CELF5: variants seen among roughly 807,000 people sequenced by gnomAD.
CELF5 encodes the protein CUGBP Elav-like family member 5.
In CELF5, 6 loss-of-function variants were observed where a neutral mutation model predicts 54.9. The observed-to-expected ratio is 0.11, with a 90% CI of 0.06 to 0.22. CELF5 has a LOEUF of 0.22. Ranked by LOEUF, CELF5 falls within the 10% of genes least tolerant of loss-of-function variation. The pLI is 1.00. For synonymous variants in CELF5, 271 were observed against 290.9 expected (o/e 0.93, Z 0.70); for missense variants, 401 against 678.6 (o/e 0.59, Z 4.54).
At chr19:3,263,347 G>T (rs1328766820) in intron 2 of CELF5, among the ~76,000 whole-genome samples, 1 of 151,546 alleles carries the variant, frequency 6.6e-6, no homozygotes, top group Non-Finnish European at 1.5e-5. Context: ...ATTACCTAAG[G>T]TCAGGAGATC....
Position 3,273,934 on chromosome 19 carries a change from C to T in CELF5, c.394+11C>T. On this transcript the variant is annotated intron_variant, in intron 3 of 12. Coordinates refer to ENST00000292672, the MANE Select transcript of CELF5 (RefSeq NM_021938.4). Reference sequence around the variant, plus strand: ...AAAGCCGCGGAGGTAGTTGTCATCTCTCCGTGGCTGCCAGGCTGGGGGTTG... The same window carrying T: ...AAAGCCGCGGAGGTAGTTGTCATCTTTCCGTGGCTGCCAGGCTGGGGGTTG... 1 of 1,612,336 alleles carries T rather than the reference C, an allele frequency of 6.2e-7. No homozygotes were observed. The highest frequency in any genetic ancestry group is 8.5e-7 in the Non-Finnish European group (1 of 1,178,488).
chr19:3,244,831 G>A (rs916020898), intron 1 of CELF5, among the ~76,000 whole-genome samples: 1 of 150,240 alleles, frequency 6.7e-6, no homozygotes. Flanking sequence ...CGTATGTGGT[G>A]TGTGTATGCA....
intron 1 of CELF5, among the ~76,000 whole-genome samples, chr19:3,240,364 C>T (rs1245815587): frequency 1.3e-5 from 2 of 150,884 alleles, no homozygotes; most frequent in African/African-American, 4.9e-5. Flanking sequence ...CTCACTCTGT[C>T]ATCCAGGCTG....
intron 2 of CELF5, among the ~76,000 whole-genome samples, chr19:3,258,963 G>A (rs111739459): frequency 6.6e-6 from 1 of 152,150 alleles, no homozygotes; most frequent in Admixed American, 6.6e-5. Context: ...GGTGACCACA[G>A]AACCAATGAC....
At chr19:3,225,035 T>A in intron 1 of CELF5, 37 bp downstream of exon 1, 3 of 1,014,914 alleles carry the variant, frequency 3.0e-6, no homozygotes, top group Non-Finnish European at 3.8e-6. Flanking sequence ...TCCCCCTCCC[T>A]CCGCCTCCCA....
chr19:3,262,390 C>T (rs998077552), intron 2 of CELF5, among the ~76,000 whole-genome samples: 3 of 152,282 alleles, frequency 2.0e-5, no homozygotes, highest in Admixed American at 6.5e-5. Context: ...TAAACCACCA[C>T]ATGTGGCTAA....
At chr19:3,276,387 C>A (rs1310718078) in intron 4 of CELF5, among the ~76,000 whole-genome samples, 1 of 148,842 alleles carries the variant, frequency 6.7e-6, no homozygotes, top group Non-Finnish European at 1.5e-5. Flanking sequence ...GAGCTGAAGT[C>A]TGTGGGTGAG....
intron 2 of CELF5, among the ~76,000 whole-genome samples, chr19:3,252,210 A>G (rs969717457): frequency 1.3e-5 from 2 of 151,206 alleles, no homozygotes; most frequent in African/African-American, 4.9e-5. Flanking sequence ...CTAATTTTTT[A>G]ATTTTTGTAG....
chr19:3,283,412 G>A (rs2080183870), intron 8 of CELF5, among the ~76,000 whole-genome samples: 1 of 152,100 alleles, frequency 6.6e-6, no homozygotes, highest in Non-Finnish European at 1.5e-5. Context: ...GTGCAGTGGT[G>A]TCGTCGCAGC....
intron 2 of CELF5, among the ~76,000 whole-genome samples, chr19:3,256,191 T>C (rs1273110923): frequency 6.6e-6 from 1 of 152,144 alleles, no homozygotes; most frequent in East Asian, 1.9e-4. Flanking sequence ...CCAGCCAGGG[T>C]TCCCACCCCT....
rs1002822284 is a variant in CELF5, at chr19:3,227,236, A to G, written c.259+2238A>G. ...GGTGTCTTCAGAATCAGCATCTGTG[A>G]TCCAGGTTTGCGTTTGGGGCTCAGC... is the stretch of plus-strand genomic sequence containing the variant. On this transcript the variant is annotated intron_variant, in intron 1 of 12. Coordinates refer to ENST00000292672, the MANE Select transcript of CELF5 (RefSeq NM_021938.4). Among the ~76,000 whole-genome samples the G allele has an allele frequency of 7.9e-5, 12 of 151,998 alleles. No homozygotes were observed. The East Asian group carries it at 1.2e-3, about 15-fold the overall frequency.
intron 1 of CELF5, among the ~76,000 whole-genome samples, chr19:3,247,075 G>C (rs1226361565): frequency 6.6e-6 from 1 of 152,166 alleles, no homozygotes; most frequent in African/African-American, 2.4e-5. Flanking sequence ...GATGGAGGGG[G>C]TTGTGCTGGG....
chr19:3,260,515 C>T (rs914106904), intron 2 of CELF5, among the ~76,000 whole-genome samples: 1 of 151,798 alleles, frequency 6.6e-6, no homozygotes, highest in African/African-American at 2.4e-5. Flanking sequence ...AGTGCAGTGG[C>T]AAGATCATGG....
chr19:3,266,325 G>GT (rs2079881328), intron 2 of CELF5, among the ~76,000 whole-genome samples: 1 of 151,476 alleles, frequency 6.6e-6, no homozygotes, highest in African/African-American at 2.4e-5. Flanking sequence ...GTTTGGTCCC[G>GT]TATCTCAGCC....
At chr19:3,274,964 C>T (rs1192054234) in intron 3 of CELF5, among the ~76,000 whole-genome samples, 1 of 151,994 alleles carries the variant, frequency 6.6e-6, no homozygotes, top group East Asian at 1.9e-4. Flanking sequence ...GTCTCTTCAT[C>T]CCTCTTATTC....
chr19:3,293,521 C>A, intron 12 of CELF5, 35 bp downstream of exon 12: 1 of 1,546,652 alleles, frequency 6.5e-7, no homozygotes, highest in Non-Finnish European at 8.8e-7. Context: ...CCGCCCAAGC[C>A]CCCCGTCTTG....
chr19:3,239,192 C>T (rs1380883126), intron 1 of CELF5, among the ~76,000 whole-genome samples: 2 of 152,072 alleles, frequency 1.3e-5, no homozygotes, highest in Non-Finnish European at 2.9e-5. Flanking sequence ...CTCGACCTCC[C>T]AGGCTCAAGG....
At chr19:3,251,116 A>C in intron 2 of CELF5, 49 bp downstream of exon 2, 6 of 1,383,974 alleles carry the variant, frequency 4.3e-6, no homozygotes, top group Middle Eastern at 1.8e-4. Flanking sequence ...GATGGCTCTC[A>C]GCCTGGGGTG....
Position 3,225,007 on chromosome 19 carries a change from C to T in CELF5, c.259+9C>T. The T allele has an allele frequency of 6.6e-7, 1 of 1,512,186 alleles. No individual in the cohort carries two copies. The highest frequency in any genetic ancestry group is 8.9e-7 in the Non-Finnish European group (1 of 1,124,656). The allele number at this position is 1,512,186 out of a possible 1,614,324, so 93.7% of individuals were successfully genotyped here. ...CACGGGGATGCACAAAGGTGGGCGC[C>T]CGGCCCCCTCCCCCCTCTCCCCCTC... is the stretch of plus-strand genomic sequence containing the variant. On this transcript the variant is annotated intron_variant, in intron 1 of 12. Coordinates refer to ENST00000292672, the MANE Select transcript of CELF5 (RefSeq NM_021938.4).
Sources: gnomAD v4.1 joint callset for allele counts (sites outside exome capture counted in the v4.1 genomes callset) on GRCh38, gnomAD v4.1.1 for gene constraint, MANE v1.5 for transcripts, NCBI Gene and HGNC (gene_info 2026-07-23, HGNC 2026-07-21) for gene names.